ACOXL: variants seen among roughly 807,000 people sequenced by gnomAD.
ACOXL encodes acyl-coenzyme A oxidase-like protein.
In ACOXL, 70 loss-of-function variants were observed where a neutral mutation model predicts 71.9. The observed-to-expected ratio is 0.97, with a 90% CI of 0.80 to 1.19. The LOEUF (loss-of-function observed/expected upper bound fraction) is 1.19, where lower values mean the gene tolerates loss of function less well. ACOXL is among the 50% of genes most tolerant of loss of function. The pLI is 0.00. For missense variants in ACOXL, 703 were observed against 736.3 expected, an observed-to-expected ratio of 0.95 and a Z score of 0.52; for synonymous variants, 253 against 281.6, an observed-to-expected ratio of 0.90 and a Z score of 1.02.
Position 110,793,864 on chromosome 2 carries a change from G to T in ACOXL, c.246+128G>T, listed in dbSNP as rs576006678. On this transcript the variant is annotated intron_variant, in intron 4 of 17. Coordinates refer to ENST00000439055, the MANE Select transcript of ACOXL (RefSeq NM_001142807.4). The stretch of plus-strand genomic sequence containing the variant: ...CAGAATTTGTATCAGCAAAAATCTT[G>T]TTGAAAATGAGAATTCCAAGACTAT... 4.2e-6 allele frequency: 4 copies of T among 953,622 alleles called. No individual in the cohort carries two copies. In the African/African-American group the frequency reaches 6.6e-5, roughly 16 times the overall value. 59.1% of individuals were successfully genotyped at this position (953,622 alleles called of 1,614,324 possible).
intron 1 of ACOXL, among the ~76,000 whole-genome samples, chr2:110,745,050 C>A (rs759367031): frequency 6.6e-6 from 1 of 152,208 alleles, no homozygotes; most frequent in Non-Finnish European, 1.5e-5. Context: ...CAGGTTAATG[C>A]GAGTTGGTTT....
chr2:110,998,032 CAG>C (rs35838832), intron 14 of ACOXL, among the ~76,000 whole-genome samples: 54,732 of 151,668 alleles, frequency 0.36, 10,662 homozygotes, highest in African/African-American at 0.5. Flanking sequence ...GCCTGGGCAA[CAG>C]AGAGAGACCC....
At chr2:110,813,296 A>G (rs1687555941) in intron 9 of ACOXL, among the ~76,000 whole-genome samples, 2 of 152,222 alleles carry the variant, frequency 1.3e-5, no homozygotes, top group Non-Finnish European at 2.9e-5. Flanking sequence ...GAGGCTACAC[A>G]GGCATTGTAG....
intron 12 of ACOXL, among the ~76,000 whole-genome samples, chr2:110,955,424 A>C (rs1033945749): frequency 6.3e-3 from 531 of 84,628 alleles, no homozygotes; most frequent in African/African-American, 9.2e-3. Context: ...CAGCTAGTCC[A>C]CCTCCCTCTC....
chr2:110,793,839 CAG>C (rs1397531040), intron 4 of ACOXL, 103 bp downstream of exon 4: 22 of 1,090,328 alleles, frequency 2.0e-5, no homozygotes, highest in Admixed American at 4.2e-5. Context: ...TAAAATAAAA[CAG>C]AATTTGTATC....
At chr2:110,949,764 GTTA>G (rs2061253984) in intron 12 of ACOXL, among the ~76,000 whole-genome samples, 1 of 152,174 alleles carries the variant, frequency 6.6e-6, no homozygotes, top group Non-Finnish European at 1.5e-5. Context: ...GTGAGTAGGA[GTTA>G]TTATCCTTAT....
chr2:110,807,013 A>G (rs1686731374), intron 9 of ACOXL, among the ~76,000 whole-genome samples: 1 of 152,128 alleles, frequency 6.6e-6, no homozygotes, highest in Non-Finnish European at 1.5e-5. Flanking sequence ...GGTGATTCCT[A>G]AAAGGTTCCT....
chr2:110,945,135 A>G (rs2061046616), intron 12 of ACOXL, among the ~76,000 whole-genome samples: 1 of 152,210 alleles, frequency 6.6e-6, no homozygotes, highest in Admixed American at 6.5e-5. Flanking sequence ...TGCTAGCTGC[A>G]TGTATGTCTT....
intron 1 of ACOXL, among the ~76,000 whole-genome samples, chr2:110,763,187 T>A (rs993843223): frequency 1.3e-5 from 2 of 152,192 alleles, no homozygotes; most frequent in Admixed American, 1.3e-4. Context: ...CAAACTGATT[T>A]TAAAGCCTAT....
intron 2 of ACOXL, among the ~76,000 whole-genome samples, chr2:110,783,400 A>T (rs1244830302): frequency 6.6e-6 from 1 of 152,214 alleles, no homozygotes; most frequent in African/African-American, 2.4e-5. Flanking sequence ...TCAATACAAG[A>T]TGCATTGGGT....
intron 16 of ACOXL, among the ~76,000 whole-genome samples, chr2:111,068,328 G>A (rs1264865774): frequency 6.6e-6 from 1 of 152,214 alleles, no homozygotes; most frequent in African/African-American, 2.4e-5. Context: ...GGGGTATGGT[G>A]GGGCTGAGGC....
At chr2:110,835,000 A>C (rs1157164819) in intron 9 of ACOXL, among the ~76,000 whole-genome samples, 1 of 152,194 alleles carries the variant, frequency 6.6e-6, no homozygotes, top group Non-Finnish European at 1.5e-5. Context: ...TGGCAGCATA[A>C]TGGGTCTTAG....
At chr2:110,921,582 T>A (rs572777544) in intron 11 of ACOXL, among the ~76,000 whole-genome samples, 310 of 151,872 alleles carry the variant, frequency 2.0e-3, no homozygotes, top group African/African-American at 7.1e-3. Flanking sequence ...TTTAGTAGAG[T>A]TGGGGTTTCA....
At chr2:111,051,277 G>A (rs1486254345) in intron 16 of ACOXL, among the ~76,000 whole-genome samples, 3 of 152,126 alleles carry the variant, frequency 2.0e-5, no homozygotes, top group Non-Finnish European at 4.4e-5. Context: ...GGTATGCTGG[G>A]TTTTTGTAGA....
intron 14 of ACOXL, among the ~76,000 whole-genome samples, chr2:111,015,181 A>C (rs568149903): frequency 1.6e-4 from 24 of 152,332 alleles, no homozygotes; most frequent in African/African-American, 5.8e-4. Context: ...ATACAAAGAC[A>C]AACCATAGCC....
chr2:111,022,666 C>T (rs937165617), intron 14 of ACOXL, among the ~76,000 whole-genome samples: 2 of 152,076 alleles, frequency 1.3e-5, no homozygotes. Flanking sequence ...CCAGTGCAGT[C>T]ACAGAGAGGT....
At chr2:110,799,975 C>G (rs1685765881) in intron 7 of ACOXL, among the ~76,000 whole-genome samples, 1 of 152,182 alleles carries the variant, frequency 6.6e-6, no homozygotes, top group Non-Finnish European at 1.5e-5. Flanking sequence ...CAGCAGGAGT[C>G]TAAAAGTAGC....
At chr2:111,013,620 C>T (rs1024728710) in intron 14 of ACOXL, among the ~76,000 whole-genome samples, 202 of 145,586 alleles carry the variant, frequency 1.4e-3, no homozygotes, top group African/African-American at 4.6e-3. Flanking sequence ...TCTTTTCTTT[C>T]TTTTCTATTT....
At chr2:110,753,023 G>A (rs1679206802) in intron 1 of ACOXL, among the ~76,000 whole-genome samples, 2 of 152,138 alleles carry the variant, frequency 1.3e-5, no homozygotes, top group African/African-American at 4.8e-5. Flanking sequence ...GGGACCTAGT[G>A]GGAGGTGTTT....
Sources: gnomAD v4.1 joint callset for allele counts (sites outside exome capture counted in the v4.1 genomes callset) on GRCh38, gnomAD v4.1.1 for gene constraint, MANE v1.5 for transcripts, NCBI Gene and HGNC (gene_info 2026-07-23, HGNC 2026-07-21) for gene names.